Variants in RPL13 observed in about 807,000 individuals in gnomAD.
RPL13 encodes the protein ribosomal protein L13, also known as large ribosomal subunit protein eL13.
In RPL13, 1 loss-of-function variant was observed where a neutral mutation model predicts 21.4. That is an observed-to-expected ratio of 0.05 (90% CI 0.02 to 0.22). The LOEUF (loss-of-function observed/expected upper bound fraction) is 0.22. Among genes scored for constraint, RPL13 ranks in the 10% least tolerant of loss-of-function variants. The pLI is 1.00. For synonymous variants in RPL13, 143 were observed against 120.5 expected (o/e 1.19, Z -1.23); for missense variants, 289 against 303.0 (o/e 0.95, Z 0.34).
At position 89,561,071 on chromosome 16, in the gene RPL13, C is replaced by T. The variant is rs372835705; in HGVS notation, c.104+8C>T. The T allele has an allele frequency of 1.9e-6, 3 of 1,601,820 alleles. No individual in the cohort carries two copies. Among genetic ancestry groups the T allele is most frequent in the Non-Finnish European group, 2.6e-6 (3 of 1,176,232 alleles). ...GGCCCGTAAGATCCGCAGGTGAGCC[C>T]TGCGCTCGGGGCTGCCCCTGGGGCT... On this transcript the variant is annotated splice_region_variant and intron_variant, in intron 2 of 5. Transcript: ENST00000311528.
rs994688653 is a variant in RPL13 at position 89,561,049 on chromosome 16, C to T, written c.90C>T (p.Ala30=). Residue 30 remains alanine (A), a synonymous_variant, in exon 2 of 6, where the codon GCC becomes GCT. Transcript: ENST00000311528. ...RRVATWFNQP[A]RKIRRRKARQ... The stretch of plus-strand genomic sequence containing the variant: ...TGGCCACGTGGTTCAACCAGCCGGC[C>T]CGTAAGATCCGCAGGTGAGCCCTGC... 9 of 1,606,594 alleles carry T rather than the reference C, an allele frequency of 5.6e-6. No individual in the cohort carries two copies. Among genetic ancestry groups the T allele is most frequent in the Admixed American group, 1.7e-5 (1 of 59,738 alleles).
intron 3 of RPL13, 57 bp from the exon 4 acceptor site, chr16:89,561,521 G>A: frequency 6.2e-7 from 1 of 1,612,432 alleles, no homozygotes; most frequent in Non-Finnish European, 8.5e-7. Context: ...TTTCATCCAG[G>A]CCTCGGGGCT....
At position 89,562,975 on chromosome 16, in the gene RPL13, G is replaced by A. The variant is rs374646539; in HGVS notation, c.569G>A (p.Arg190Gln). 6 of 1,587,162 alleles carry A rather than the reference G, an allele frequency of 3.8e-6. No homozygotes were observed. Among genetic ancestry groups the A allele is most frequent in the African/African-American group, 1.4e-5 (1 of 73,324 alleles). The change falls in exon 6 of 6, where the codon CGG (arginine) becomes CAG (glutamine). Residue 190 changes from arginine (R) to glutamine (Q), a missense_variant. Arg to Gln is a conservative substitution (Grantham distance 43). Transcript: ENST00000311528. ...CTCCGTATGGCCCGTGCCAACGCCC[G>A]GCTCTTCGGCATACGGGCAAAAAGA... is the stretch of plus-strand genomic sequence containing the variant. The part of the protein sequence containing the change: ...ASLRMARANA[R>Q]LFGIRAKRAK...
rs528443560 is a variant in RPL13 at position 89,564,199 on chromosome 16, G to C, written c.*1157G>C. ...TGCCTCTGCCGGGTGCCGGTATTGA[G>C]GCACCCAGGGAGCTGTTACTGGCGT... On this transcript the variant is annotated 3_prime_UTR_variant, in exon 6 of 6. Transcript: ENST00000311528. 1 of 152,248 alleles carries C rather than the reference G, an allele frequency of 6.6e-6. No homozygotes were observed. The highest frequency in any genetic ancestry group is 2.4e-5 in the African/African-American group (1 of 41,574). The allele number at this position is 152,248 out of a possible 1,614,324, so 9.4% of individuals were successfully genotyped here. A position where few individuals can be genotyped will look rare whatever the true frequency, so the allele number is the denominator to read the frequency against.
At chr16:89,566,049 G>A (rs1271438050), downstream of RPL13, 2 of 152,248 alleles carry the variant, frequency 1.3e-5, no homozygotes, top group South Asian at 2.1e-4. Context: ...TGTCGCCCCC[G>A]GGGAGCACGG....
Position 89,562,938 on chromosome 16 carries a change from G to A in RPL13, c.532G>A (p.Ala178Thr). The A allele has an allele frequency of 6.3e-7, 1 of 1,597,236 alleles. No individual in the cohort carries two copies. Among genetic ancestry groups the A allele is most frequent in the East Asian group, 2.3e-5 (1 of 43,692 alleles). The change falls in exon 6 of 6, where the codon GCC (alanine) becomes ACC (threonine). Residue 178 changes from alanine to threonine, a missense_variant. Transcript: ENST00000311528. ...VITEEEKNFK[A>T]FASLRMARAN... is the part of the protein sequence containing the mutation. ...CACTGAGGAAGAGAAGAATTTCAAA[G>A]CCTTCGCTAGTCTCCGTATGGCCCG...
rs780429286 is a variant in RPL13, at chr16:89,562,319, TCTC to T, written c.421-15_421-13del. ...AGTGCGGCCAACCCCACTTAACTCTTCTCATTCACCAACAGGCTGAAGAACTGA... is the reference window on the plus strand; with the variant it reads ...AGTGCGGCCAACCCCACTTAACTCTTATTCACCAACAGGCTGAAGAACTGA... On this transcript the variant is annotated splice_polypyrimidine_tract_variant and intron_variant, in intron 4 of 5. Transcript: ENST00000311528. The T allele has an allele frequency of 1.2e-5, 19 of 1,613,044 alleles. No individual in the cohort carries two copies. The highest frequency in any genetic ancestry group is 3.3e-4 in the Middle Eastern group (2 of 6,018).
downstream of RPL13, chr16:89,566,753 A>G (rs374390949): frequency 2.6e-5 from 4 of 152,200 alleles, no homozygotes; most frequent in African/African-American, 9.6e-5. Context: ...TACCTCGCCC[A>G]TCCAGGCGTA....
intron 3 of RPL13, 54 bp downstream of exon 3, chr16:89,561,422 G>T (rs2058743538): frequency 1.2e-6 from 2 of 1,612,568 alleles, no homozygotes; most frequent in Non-Finnish European, 1.7e-6. Flanking sequence ...CCCTCTGTTG[G>T]CCTCAGTCGC....
intron 5 of RPL13, 153 bp downstream of exon 5, chr16:89,562,544 G>A (rs2058753216): frequency 5.9e-6 from 4 of 682,210 alleles, no homozygotes; most frequent in Non-Finnish European, 7.2e-6. Context: ...TTTCTTCTTA[G>A]TTTTTACTTC....
chr16:89,561,831 G>C, intron 4 of RPL13, 80 bp downstream of exon 4: 1 of 1,472,342 alleles, frequency 6.8e-7, no homozygotes, highest in Non-Finnish European at 9.3e-7. Context: ...CCGGTCCCTG[G>C]GTCTTGCTGG....
At chr16:89,564,548 G>T (rs149952536), downstream of RPL13, 1 of 152,256 alleles carries the variant, frequency 6.6e-6, no homozygotes, top group Non-Finnish European at 1.5e-5. Flanking sequence ...GGTGACACAC[G>T]CCTGTAATCC....
intron 4 of RPL13, 77 bp from the exon 5 acceptor site, chr16:89,562,258 A>G: frequency 1.4e-6 from 2 of 1,394,100 alleles, no homozygotes; most frequent in Non-Finnish European, 2.0e-6. Context: ...CCCCAGGGGA[A>G]AGTTTGGGGC....
In RPL13 at chr16:89,561,764, C is replaced by T. The variant is rs748003385; in HGVS notation, c.420+13C>T. 1.9e-6 allele frequency: 3 copies of T among 1,608,604 alleles called. No homozygotes were observed. The East Asian group carries it at 6.7e-5, about 36-fold the overall frequency. ...GGGAGACAGTTCTGTGAGTACACGG[C>T]TCTCTGGCCGTCCTGGTGCGCGGGG... is the stretch of plus-strand genomic sequence containing the variant. On this transcript the variant is annotated intron_variant, in intron 4 of 5. Transcript: ENST00000311528.
rs1207632727 is a variant in RPL13, at chr16:89,561,294, A to T, written c.172A>T (p.Ile58Phe). The change falls in exon 3 of 6, where the codon ATC becomes TTC. Residue 58 changes from isoleucine to phenylalanine, a missense_variant. Transcript: ENST00000311528. ...PRPASGPIRPIVRCPTVRYHT... is the reference protein window; with the variant it reads ...PRPASGPIRPFVRCPTVRYHT... The stretch of plus-strand genomic sequence containing the variant: ...CCCCGCGTCGGGTCCCATCCGGCCC[A>T]TCGTGCGCTGCCCCACGGTTCGGTA... 6.4e-7 allele frequency: 1 copy of T among 1,572,750 alleles called. No homozygotes were observed. The highest frequency in any genetic ancestry group is 1.3e-5 in the African/African-American group (1 of 74,216).
downstream of RPL13, chr16:89,564,600 G>C (rs34434037): frequency 0.12 from 18,103 of 152,346 alleles, 1,380 homozygotes; most frequent in Non-Finnish European, 0.17. Context: ...AGAGATTGCA[G>C]TGAGCCGAGC....
chr16:89,560,671 G>A (rs558653840), upstream of RPL13: 348 of 347,800 alleles, frequency 1.0e-3, 1 homozygote, highest in African/African-American at 7.0e-3. Context: ...AGTGCATTGC[G>A]GGGCCGCTTC....
downstream of RPL13, chr16:89,566,125 G>C (rs1175616965): frequency 1.3e-5 from 2 of 149,092 alleles, no homozygotes; most frequent in African/African-American, 4.9e-5. Context: ...CATCTCTGGG[G>C]CAGCCTCCCA....
At chr16:89,561,780 G>A (rs1430424714) in intron 4 of RPL13, 29 bp downstream of exon 4, 2 of 1,604,260 alleles carry the variant, frequency 1.2e-6, no homozygotes, top group Non-Finnish European at 1.7e-6. Context: ...GGCCGTCCTG[G>A]TGCGCGGGGA....
Sources: allele counts gnomAD v4.1 joint callset, GRCh38; gene constraint gnomAD v4.1.1; transcripts MANE v1.5; gene names NCBI Gene and HGNC (gene_info 2026-07-23, HGNC 2026-07-21).